The following TENM3 variants were observed in gnomAD, a reference collection of about 807,000 sequenced individuals.
The protein encoded by TENM3 is teneurin-3.
Under a neutral mutation model 255.1 loss-of-function variants are expected in TENM3, and 63 were observed. The ratio of observed to expected loss-of-function variants is 0.25; its 90% CI spans 0.20 to 0.30. TENM3 has a LOEUF of 0.30. Among genes scored for constraint, TENM3 ranks in the 10% least tolerant of loss-of-function variants. The pLI, the probability that TENM3 is intolerant of heterozygous loss-of-function variation, is 1.00. For missense variants in TENM3, 2,929 were observed against 3,461.1 expected (o/e 0.85, Z 3.86); for synonymous variants, 1,306 against 1,322.3 (o/e 0.99, Z 0.27).
the TENM3 span, chr4:182,081,715 G>C: frequency 6.6e-6 from 1 of 152,136 alleles, no homozygotes; most frequent in Admixed American, 6.5e-5. Context: ...CAGAGGGGCT[G>C]ACATTTCCTG....
At chr4:182,468,189 C>A (rs1439825869) in intron 3 of TENM3, among the ~76,000 whole-genome samples, 2 of 152,026 alleles carry the variant, frequency 1.3e-5, no homozygotes, top group African/African-American at 4.8e-5. Flanking sequence ...GAGTTTGAGA[C>A]CAACCTGGGT....
intron 2 of TENM3, among the ~76,000 whole-genome samples, chr4:182,337,553 G>C (rs1195967988): frequency 1.3e-5 from 2 of 152,140 alleles, no homozygotes; most frequent in Admixed American, 6.5e-5. Flanking sequence ...ACCAAATATT[G>C]AGGATGTGGA....
Position 182,313,978 on chromosome 4 carries a change from T to C in TENM3, c.-75-9968T>C, listed in dbSNP as rs151273506. Among the ~76,000 whole-genome samples, 889 of 152,322 alleles carry C rather than the reference T, an allele frequency of 5.8e-3. 9 individuals carry two copies. Among genetic ancestry groups the C allele is most frequent in the African/African-American group, 0.02 (844 of 41,576 alleles). ...TCTGATTTATACAATTATAAATACA[T>C]TGATTTTCTTTATATTCTGTCTCCT... On this transcript the variant is annotated intron_variant, in intron 1 of 27. Transcript: ENST00000511685.
chr4:182,578,459 AGCTGTGATAGGTGCTTGATAGGT>A (rs201364269), intron 3 of TENM3, among the ~76,000 whole-genome samples: 31,466 of 151,910 alleles, frequency 0.21, 3,385 homozygotes, highest in Middle Eastern at 0.25. Flanking sequence ...GTTTGTTTTT[AGCTGTGATAGGTGCTTGATAGGT>A]GCTGTGATAG....
At chr4:182,064,161 T>A in the TENM3 span, among the ~76,000 whole-genome samples, 1 of 149,210 alleles carries the variant, frequency 6.7e-6, no homozygotes, top group African/African-American at 2.5e-5. Flanking sequence ...AGATAATGCA[T>A]GGAAAGTAAT....
At chr4:181,926,224 A>G in the TENM3 span, among the ~76,000 whole-genome samples, 9 of 152,362 alleles carry the variant, frequency 5.9e-5, no homozygotes, top group East Asian at 1.9e-4. Flanking sequence ...AAATGCAACT[A>G]TAGTATGTAC....
At chr4:181,895,491 T>C in the TENM3 span, among the ~76,000 whole-genome samples, 1 of 151,414 alleles carries the variant, frequency 6.6e-6, no homozygotes, top group Non-Finnish European at 1.5e-5. Flanking sequence ...CCCCAATTTT[T>C]CCATCTTTCC....
At chr4:182,409,476 C>T (rs969969144) in intron 3 of TENM3, among the ~76,000 whole-genome samples, 1 of 152,172 alleles carries the variant, frequency 6.6e-6, no homozygotes, top group African/African-American at 2.4e-5. Context: ...CGGTATTTTC[C>T]CCTGTCGGGC....
At chr4:181,753,445 C>T in the TENM3 span, among the ~76,000 whole-genome samples, 21 of 151,846 alleles carry the variant, frequency 1.4e-4, no homozygotes, top group East Asian at 5.8e-4. Context: ...AGCCAGAGTC[C>T]GCGTGGAGCA....
At chr4:181,755,417 A>T in the TENM3 span, among the ~76,000 whole-genome samples, 24 of 152,200 alleles carry the variant, frequency 1.6e-4, no homozygotes, top group African/African-American at 5.8e-4. Flanking sequence ...AAAGACTCAG[A>T]TTGTTCTAAT....
chr4:182,515,871 T>G (rs1737883666), intron 3 of TENM3, among the ~76,000 whole-genome samples: 1 of 152,220 alleles, frequency 6.6e-6, no homozygotes, highest in Admixed American at 6.5e-5. Context: ...ACTTTTCACA[T>G]TTTACATTAG....
chr4:182,728,187 T>A (rs1227982613), intron 13 of TENM3, among the ~76,000 whole-genome samples: 1 of 152,164 alleles, frequency 6.6e-6, no homozygotes. Flanking sequence ...GCTCATCTCA[T>A]CCATTTTATA....
chr4:181,472,338 C>T, the TENM3 span, among the ~76,000 whole-genome samples: 2 of 151,390 alleles, frequency 1.3e-5, no homozygotes, highest in Non-Finnish European at 2.9e-5. Context: ...AGGACCCTTA[C>T]AACAAGACAT....
chr4:182,203,729 G>A (rs983641011), intron 1 of TENM3, among the ~76,000 whole-genome samples: 15 of 152,156 alleles, frequency 9.9e-5, no homozygotes, highest in African/African-American at 3.6e-4. Flanking sequence ...TACAGTTCTT[G>A]CTCCATTGGA....
intron 22 of TENM3, among the ~76,000 whole-genome samples, chr4:182,765,444 T>C (rs1447663421): frequency 1.3e-5 from 2 of 152,198 alleles, no homozygotes; most frequent in African/African-American, 4.8e-5. Flanking sequence ...TCACTTTCTG[T>C]ATTTGATCTT....
chr4:182,201,013 T>C (rs1754154492), intron 1 of TENM3, among the ~76,000 whole-genome samples: 2 of 151,690 alleles, frequency 1.3e-5, no homozygotes, highest in South Asian at 4.2e-4. Flanking sequence ...TTAGTCGAGA[T>C]GGGGTTTCAC....
the TENM3 span, among the ~76,000 whole-genome samples, chr4:181,677,731 T>C: frequency 6.6e-6 from 1 of 152,132 alleles, no homozygotes; most frequent in African/African-American, 2.4e-5. Flanking sequence ...AAAGAAGGGC[T>C]TTAAATGATC....
the TENM3 span, among the ~76,000 whole-genome samples, chr4:181,895,616 C>G: frequency 1.3e-3 from 185 of 141,890 alleles, 1 homozygote; most frequent in African/African-American, 4.6e-3. Flanking sequence ...GCAGTCATAG[C>G]TCACTGCAGT....
At chr4:182,486,020 T>C (rs1734670376) in intron 3 of TENM3, among the ~76,000 whole-genome samples, 1 of 152,022 alleles carries the variant, frequency 6.6e-6, no homozygotes, top group South Asian at 2.1e-4. Flanking sequence ...TAGGGACATA[T>C]GTGGTGTCGG....
Sources: allele counts gnomAD v4.1 joint callset (sites outside exome capture counted in the v4.1 genomes callset), GRCh38; gene constraint gnomAD v4.1.1; transcripts MANE v1.5; gene names NCBI Gene and HGNC (gene_info 2026-07-23, HGNC 2026-07-21).